Variants in UGT1A8 observed in about 807,000 individuals in gnomAD.
UGT1A8 encodes the protein UDP-glucuronosyltransferase 1A8.
UGT1A8 carries 39 observed loss-of-function variants against 45.3 expected under a neutral mutation model. The observed-to-expected ratio is 0.86, with a 90% CI of 0.67 to 1.12. UGT1A8 has a LOEUF of 1.12. Among genes scored for constraint, UGT1A8 ranks in the 50% most tolerant of loss-of-function variants. The probability of loss-of-function intolerance (pLI) is 0.00; values close to 1 mark genes in which losing one functional copy is unlikely to be tolerated. For synonymous variants in UGT1A8, 275 were observed against 249.2 expected (o/e 1.10, Z -0.97); for missense variants, 719 against 664.9 (o/e 1.08, Z -0.90).
intron 1 of UGT1A8, among the ~76,000 whole-genome samples, chr2:233,711,938 G>C (rs1180593494): frequency 1.3e-5 from 2 of 152,202 alleles, no homozygotes; most frequent in African/African-American, 4.8e-5. Context: ...CATTAGAAAG[G>C]CACACGTTTA....
At chr2:233,759,343 G>A (rs548174363) in intron 1 of UGT1A8, among the ~76,000 whole-genome samples, 89 of 152,214 alleles carry the variant, frequency 5.8e-4, no homozygotes, top group Non-Finnish European at 1.2e-3. Context: ...TCAGGTGAGC[G>A]CTGAAAATCT....
intron 1 of UGT1A8, chr2:233,693,767 T>G: frequency 6.2e-7 from 1 of 1,614,246 alleles, no homozygotes; most frequent in Non-Finnish European, 8.5e-7. Context: ...TGTTTGGCTG[T>G]TAAGATATGA....
chr2:233,735,863 T>C (rs1339827457), intron 1 of UGT1A8, among the ~76,000 whole-genome samples: 2 of 151,778 alleles, frequency 1.3e-5, no homozygotes, highest in Non-Finnish European at 2.9e-5. Context: ...CTTGTAGGGT[T>C]TCTGCAGAGA....
chr2:233,718,122 G>A (rs1197667790), intron 1 of UGT1A8: 2 of 287,308 alleles, frequency 7.0e-6, no homozygotes, highest in Non-Finnish European at 1.4e-5. Context: ...CTTATTCCAT[G>A]GTGTAGATGG....
chr2:233,678,646 T>G (rs1309873560), intron 1 of UGT1A8, among the ~76,000 whole-genome samples: 1 of 152,218 alleles, frequency 6.6e-6, no homozygotes, highest in Non-Finnish European at 1.5e-5. Context: ...TCTTAAATAA[T>G]TGGAAGCATT....
At chr2:233,768,072 G>T in intron 3 of UGT1A8, 136 bp downstream of exon 3, 2 of 1,594,474 alleles carry the variant, frequency 1.3e-6, no homozygotes, top group South Asian at 2.2e-5. Context: ...TTATCTAGTG[G>T]GGTATCTCAA....
At chr2:233,740,735 C>T (rs1403537292) in intron 1 of UGT1A8, 2 of 151,614 alleles carry the variant, frequency 1.3e-5, no homozygotes, top group Non-Finnish European at 2.9e-5. Flanking sequence ...AGGAAATGCC[C>T]CCTTTTACAC....
At chr2:233,707,847 T>A (rs2075990854) in intron 1 of UGT1A8, among the ~76,000 whole-genome samples, 1 of 152,212 alleles carries the variant, frequency 6.6e-6, no homozygotes, top group South Asian at 2.1e-4. Context: ...GTAACTATTT[T>A]TCAGAGTGGT....
Position 233,772,534 on chromosome 2 carries a change from A to T in UGT1A8, c.1568A>T (p.Lys523Ile). 6.2e-7 allele frequency: 1 copy of T among 1,614,216 alleles called. No homozygotes were observed. Among genetic ancestry groups the T allele is most frequent in the South Asian group, 1.1e-5 (1 of 91,086 alleles). The change falls in exon 5 of 5, where the codon AAA becomes ATA. Residue 523 changes from lysine to isoleucine, a missense_variant. Lys to Ile is a moderately radical substitution (Grantham distance 102). Transcript: ENST00000373450. The stretch of plus-strand genomic sequence containing the variant: ...TTGGGGAAAAAAGGGCGAGTTAAGA[A>T]AGCCCACAAATCCAAGACCCATTGA... ...KCLGKKGRVK[K>I]AHKSKTH
At chr2:233,621,398 A>G (rs1281538121) in intron 1 of UGT1A8, among the ~76,000 whole-genome samples, 1 of 152,180 alleles carries the variant, frequency 6.6e-6, no homozygotes, top group Non-Finnish European at 1.5e-5. Context: ...TATACCATCC[A>G]TGGTAGGTTC....
In UGT1A8 at chr2:233,617,671, T is replaced by C. The variant is rs1265153093; in HGVS notation, c.-37T>C. On this transcript the variant is annotated 5_prime_UTR_variant, in exon 1 of 5. Transcript: ENST00000373450. ...TTCCGCCTACTGTATCATAGCAGCT[T>C]AGAATCCCAGCTGCTGGCTCGGGCT... 7 of 1,592,286 alleles carry C rather than the reference T, an allele frequency of 4.4e-6. No individual in the cohort carries two copies. The African/African-American group carries it at 8.0e-5, about 18-fold the overall frequency.
At position 233,760,483 on chromosome 2, in the gene UGT1A8, T is replaced by C. The variant is rs750890851; in HGVS notation, c.856-6551T>C. On this transcript the variant is annotated intron_variant, in intron 1 of 4. Transcript: ENST00000373450. ...AGTTGTCCTAGCACCTGACGCCTCG[T>C]TGTACATCAGAGACGGAGCATTTTA... is the stretch of plus-strand genomic sequence containing the variant. The C allele has an allele frequency of 6.2e-6, 10 of 1,614,116 alleles. No individual in the cohort carries two copies. In the South Asian group the frequency reaches 8.8e-5, roughly 14 times the overall value.
At chr2:233,734,881 G>T (rs1413647330) in intron 1 of UGT1A8, among the ~76,000 whole-genome samples, 2 of 152,202 alleles carry the variant, frequency 1.3e-5, no homozygotes, top group Non-Finnish European at 2.9e-5. Flanking sequence ...CTGAGAGACA[G>T]TTTGTTGTGA....
intron 1 of UGT1A8, chr2:233,690,498 A>G: frequency 7.8e-7 from 1 of 1,289,738 alleles, no homozygotes; most frequent in Non-Finnish European, 1.0e-6. Flanking sequence ...GCTCTTGCCA[A>G]CAGAGATTTG....
intron 1 of UGT1A8, among the ~76,000 whole-genome samples, chr2:233,640,108 A>G (rs1009314317): frequency 7.9e-5 from 12 of 152,342 alleles, no homozygotes; most frequent in Non-Finnish European, 1.2e-4. Flanking sequence ...GATTCTGGCT[A>G]TAGTCCAAGA....
intron 1 of UGT1A8, among the ~76,000 whole-genome samples, chr2:233,619,111 A>T (rs999570873): frequency 2.0e-5 from 3 of 152,130 alleles, no homozygotes; most frequent in African/African-American, 7.2e-5. Context: ...TTTTCAGTAT[A>T]AAAAAAGTTT....
chr2:233,675,092 A>T (rs1035687551), intron 1 of UGT1A8, among the ~76,000 whole-genome samples: 2 of 152,124 alleles, frequency 1.3e-5, no homozygotes, highest in African/African-American at 4.8e-5. Flanking sequence ...GACCCTGCAT[A>T]GGGGATTTTC....
chr2:233,647,989 G>T (rs770416073), intron 1 of UGT1A8: 301 of 1,607,870 alleles, frequency 1.9e-4, no homozygotes, highest in Non-Finnish European at 2.3e-4. Context: ...CATTCTCAGG[G>T]GGCATGAGGT....
chr2:233,730,011 C>T (rs762436427), intron 1 of UGT1A8: 31 of 1,613,760 alleles, frequency 1.9e-5, no homozygotes, highest in Non-Finnish European at 2.4e-5. Flanking sequence ...TTGGTGCCTT[C>T]ATCCAATCAA....
Sources: gnomAD v4.1 joint callset for allele counts (sites outside exome capture counted in the v4.1 genomes callset) on GRCh38, gnomAD v4.1.1 for gene constraint, MANE v1.5 for transcripts, NCBI Gene and HGNC (gene_info 2026-07-23, HGNC 2026-07-21) for gene names.